PXDNL: variants seen among roughly 807,000 people sequenced by gnomAD.
The protein encoded by PXDNL is probable oxidoreductase PXDNL.
Under a neutral mutation model 150.8 loss-of-function variants are expected in PXDNL, and 145 were observed. That is an observed-to-expected ratio of 0.96 (90% CI 0.84 to 1.10). PXDNL has a LOEUF of 1.10. Among genes scored for constraint, PXDNL ranks in the 50% least tolerant of loss-of-function variants. The pLI, the probability that PXDNL is intolerant of heterozygous loss-of-function variation, is 0.00. For missense variants in PXDNL, 2,087 were observed against 1,873.9 expected (o/e 1.11, Z -2.10); for synonymous variants, 757 against 725.7 (o/e 1.04, Z -0.69).
At chr8:51,773,397 G>A (rs1257348944) in intron 1 of PXDNL, among the ~76,000 whole-genome samples, 1 of 152,164 alleles carries the variant, frequency 6.6e-6, no homozygotes, top group Non-Finnish European at 1.5e-5. Flanking sequence ...ACAGACACAG[G>A]CTTCTGTGGA....
At chr8:51,718,365 A>G (rs770429577) in intron 1 of PXDNL, among the ~76,000 whole-genome samples, 6 of 152,150 alleles carry the variant, frequency 3.9e-5, no homozygotes, top group Non-Finnish European at 8.8e-5. Flanking sequence ...GTGGCAAGGA[A>G]TGGGGAGCGC....
At chr8:51,722,926 T>A (rs936329304) in intron 1 of PXDNL, among the ~76,000 whole-genome samples, 1 of 152,034 alleles carries the variant, frequency 6.6e-6, no homozygotes, top group Non-Finnish European at 1.5e-5. Flanking sequence ...CCAGGGAACT[T>A]CTTTTTTCTA....
chr8:51,573,473 A>T lies in PXDNL; in HGVS notation c.309-16562T>A, dbSNP rs578176020. 3.3e-5 allele frequency among the ~76,000 whole-genome samples: 5 copies of T among 152,026 alleles called. No individual in the cohort carries two copies. The East Asian group carries it at 9.7e-4, about 30-fold the overall frequency. On this transcript the variant is annotated intron_variant, in intron 3 of 22. Coordinates refer to ENST00000356297, the MANE Select transcript of PXDNL (RefSeq NM_144651.5). ...ACTAATATGAAGCAGTGATGATGCC[A>T]CCCCCACTACATGGTATCAGTGCAG...
At chr8:51,753,339 G>A (rs2037066736) in intron 1 of PXDNL, among the ~76,000 whole-genome samples, 1 of 152,110 alleles carries the variant, frequency 6.6e-6, no homozygotes, top group African/African-American at 2.4e-5. Context: ...GATGAATGAC[G>A]AATACCAGGC....
chr8:51,387,316 T>A (rs754011749), intron 17 of PXDNL, among the ~76,000 whole-genome samples: 59 of 152,182 alleles, frequency 3.9e-4, no homozygotes, highest in Non-Finnish European at 6.5e-4. Context: ...ATGTTAACTA[T>A]GGTAATAGAG....
chr8:51,786,503 C>T (rs1246538960), intron 1 of PXDNL, among the ~76,000 whole-genome samples: 2 of 152,172 alleles, frequency 1.3e-5, no homozygotes, highest in African/African-American at 4.8e-5. Flanking sequence ...TCACTGATGA[C>T]AACCCTTCCT....
chr8:51,655,688 C>T (rs944618351), intron 1 of PXDNL, among the ~76,000 whole-genome samples: 21 of 152,116 alleles, frequency 1.4e-4, no homozygotes, highest in Admixed American at 5.9e-4. Flanking sequence ...CCATGGGGAA[C>T]ATATGACCCA....
intron 17 of PXDNL, among the ~76,000 whole-genome samples, chr8:51,378,922 C>T (rs565683868): frequency 6.6e-6 from 1 of 152,192 alleles, no homozygotes; most frequent in African/African-American, 2.4e-5. Flanking sequence ...CGGCGAGGGT[C>T]TGCGACTTCA....
At position 51,457,545 on chromosome 8, in the gene PXDNL, C is replaced by A. The variant is rs758010875; in HGVS notation, c.935G>T (p.Gly312Val). ...CATGGCACTCTGTGTCTTGGCTTCC[C>A]CAGCGGAATTTCTGGCCATGCACTG... Reference protein sequence around the residue: ...VYQCMARNSAGEAKTQSAMLR... With the variant: ...VYQCMARNSAVEAKTQSAMLR... Residue 312 changes from glycine to valine, a missense_variant, in exon 9 of 23, where the codon GGG becomes GTG. Gly to Val is a moderately radical substitution (Grantham distance 109). Transcript: ENST00000356297. 2 of 1,613,562 alleles carry A rather than the reference C, an allele frequency of 1.2e-6. No individual in the cohort carries two copies. The highest frequency in any genetic ancestry group is 2.2e-5 in the South Asian group (2 of 91,018).
chr8:51,625,713 T>G (rs1028418245), intron 2 of PXDNL, among the ~76,000 whole-genome samples: 1 of 152,198 alleles, frequency 6.6e-6, no homozygotes, highest in Admixed American at 6.5e-5. Context: ...TAGAAAGTTA[T>G]AGTCACACAA....
At chr8:51,357,323 G>A (rs942473786) in intron 19 of PXDNL, among the ~76,000 whole-genome samples, 1 of 152,136 alleles carries the variant, frequency 6.6e-6, no homozygotes, top group South Asian at 2.1e-4. Flanking sequence ...AGAACTCCTG[G>A]ACTGCCTCGC....
At chr8:51,536,887 G>A (rs1053945187) in intron 4 of PXDNL, among the ~76,000 whole-genome samples, 2 of 152,068 alleles carry the variant, frequency 1.3e-5, no homozygotes, top group African/African-American at 2.4e-5. Context: ...ACATTTTCAC[G>A]ACTTCTATTT....
At chr8:51,554,801 C>T (rs1812567596) in intron 4 of PXDNL, among the ~76,000 whole-genome samples, 1 of 152,016 alleles carries the variant, frequency 6.6e-6, no homozygotes, top group African/African-American at 2.4e-5. Flanking sequence ...ATATTTATAC[C>T]AGCTTTCTGA....
At chr8:51,416,367 AATTGG>A (rs1460702052) in intron 14 of PXDNL, among the ~76,000 whole-genome samples, 1 of 152,206 alleles carries the variant, frequency 6.6e-6, no homozygotes, top group Non-Finnish European at 1.5e-5. Flanking sequence ...TGTGAATGTG[AATTGG>A]ATTGATGTTT....
intron 3 of PXDNL, among the ~76,000 whole-genome samples, chr8:51,565,634 A>G (rs1035943816): frequency 7.2e-5 from 11 of 152,074 alleles, no homozygotes; most frequent in Middle Eastern, 3.4e-3. Flanking sequence ...GATGGCTGAG[A>G]CAGTGACACC....
At chr8:51,693,900 A>C (rs1816056710) in intron 1 of PXDNL, among the ~76,000 whole-genome samples, 1 of 152,260 alleles carries the variant, frequency 6.6e-6, no homozygotes, top group Non-Finnish European at 1.5e-5. Flanking sequence ...TGATCAAAGC[A>C]TATGTTGTTT....
intron 3 of PXDNL, among the ~76,000 whole-genome samples, chr8:51,590,494 A>T (rs1385774937): frequency 6.6e-6 from 1 of 152,184 alleles, no homozygotes; most frequent in Non-Finnish European, 1.5e-5. Context: ...CAGCAAAGAC[A>T]TGGGGTCGTG....
intron 4 of PXDNL, among the ~76,000 whole-genome samples, chr8:51,550,469 A>G (rs1330226228): frequency 6.6e-6 from 1 of 152,236 alleles, no homozygotes; most frequent in Non-Finnish European, 1.5e-5. Context: ...CAGCATATCA[A>G]AAAGATAATA....
chr8:51,772,881 C>T (rs190383264), intron 1 of PXDNL, among the ~76,000 whole-genome samples: 5 of 152,166 alleles, frequency 3.3e-5, no homozygotes, highest in African/African-American at 1.2e-4. Context: ...GGGGCACTGA[C>T]CCCATTAAAG....
Sources: allele counts gnomAD v4.1 joint callset (sites outside exome capture counted in the v4.1 genomes callset), GRCh38; gene constraint gnomAD v4.1.1; transcripts MANE v1.5; gene names NCBI Gene and HGNC (gene_info 2026-07-23, HGNC 2026-07-21).